The following POU6F2 variants were observed in gnomAD, a reference collection of about 807,000 sequenced individuals.
POU6F2 encodes the protein POU domain, class 6, transcription factor 2.
Under a neutral mutation model 71.3 loss-of-function variants are expected in POU6F2, and 31 were observed. The ratio of observed to expected loss-of-function variants is 0.43; its 90% CI spans 0.33 to 0.59. The LOEUF (loss-of-function observed/expected upper bound fraction) is 0.59. Ranked by LOEUF, POU6F2 falls within the 20% of genes least tolerant of loss-of-function variation. The probability of loss-of-function intolerance (pLI) is 0.04; values close to 1 mark genes in which losing one functional copy is unlikely to be tolerated. For missense variants in POU6F2, 783 were observed against 856.8 expected (o/e 0.91, Z 1.07); for synonymous variants, 347 against 355.7 (o/e 0.98, Z 0.27).
At chr7:39,246,739 T>TA (rs35781827) in intron 4 of POU6F2, among the ~76,000 whole-genome samples, 1,909 of 152,038 alleles carry the variant, frequency 0.013, 22 homozygotes, top group Non-Finnish European at 0.02. Context: ...AGTCATAAAC[T>TA]GGGGCCCTAA....
chr7:39,349,199 C>T (rs943657545), intron 5 of POU6F2, among the ~76,000 whole-genome samples: 4 of 152,184 alleles, frequency 2.6e-5, no homozygotes, highest in African/African-American at 7.2e-5. Context: ...AAAGCTGAAA[C>T]GGTATGGTTC....
intron 5 of POU6F2, chr7:39,373,765 G>C (rs1244256871): frequency 6.4e-6 from 2 of 313,996 alleles, no homozygotes; most frequent in East Asian, 1.5e-4. Context: ...CAAAAATCAA[G>C]GTGTTGAGAG....
intron 2 of POU6F2, among the ~76,000 whole-genome samples, chr7:39,191,567 A>G (rs1793665392): frequency 1.3e-5 from 2 of 152,190 alleles, no homozygotes; most frequent in Non-Finnish European, 2.9e-5. Context: ...AAGTTGATAT[A>G]ACAAATGGAA....
intron 5 of POU6F2, among the ~76,000 whole-genome samples, chr7:39,340,321 C>T (rs1785889896): frequency 6.6e-6 from 1 of 152,194 alleles, no homozygotes; most frequent in Admixed American, 6.5e-5. Context: ...TTTTATGATA[C>T]TTTTTGAAGG....
intron 2 of POU6F2, among the ~76,000 whole-genome samples, chr7:39,174,538 CGT>C (rs1284088260): frequency 1.3e-5 from 2 of 152,276 alleles, no homozygotes; most frequent in Admixed American, 1.3e-4. Context: ...TCTGCAGTCA[CGT>C]GTGTCTTTTC....
chr7:39,322,664 A>G (rs1016748365), intron 4 of POU6F2, among the ~76,000 whole-genome samples: 2 of 152,202 alleles, frequency 1.3e-5, no homozygotes, highest in Non-Finnish European at 2.9e-5. Context: ...GTGTTCATTC[A>G]CTTCCTTTAA....
chr7:39,406,284 T>C (rs985910505), intron 5 of POU6F2: 1 of 335,310 alleles, frequency 3.0e-6, no homozygotes, highest in Non-Finnish European at 5.6e-6. Flanking sequence ...TCTAGAGGGC[T>C]TCTGCGAAAT....
intron 7 of POU6F2, among the ~76,000 whole-genome samples, chr7:39,440,291 C>G (rs935694317): frequency 6.6e-6 from 1 of 152,174 alleles, no homozygotes; most frequent in African/African-American, 2.4e-5. Flanking sequence ...CAGCGTGTTT[C>G]CATTCTCCCT....
At chr7:39,193,690 A>T (rs1312761814) in intron 2 of POU6F2, among the ~76,000 whole-genome samples, 1 of 152,210 alleles carries the variant, frequency 6.6e-6, no homozygotes, top group Admixed American at 6.5e-5. Flanking sequence ...AGTGGCTGGC[A>T]CATGGTAAGT....
intron 2 of POU6F2, among the ~76,000 whole-genome samples, chr7:39,100,390 C>T (rs775688390): frequency 6.6e-6 from 1 of 152,124 alleles, no homozygotes; most frequent in African/African-American, 2.4e-5. Flanking sequence ...GGTTGAGATC[C>T]GTAAAACCTA....
Position 39,454,580 on chromosome 7 carries a change from C to T in POU6F2, c.1489+2879C>T, listed in dbSNP as rs560004846. ...ACTAAATATTAGAACAGAAGATGCT[C>T]CTAGCACCCCTATTTGTTAGGAAAT... On this transcript the variant is annotated intron_variant, in intron 8 of 9. Transcript: ENST00000518318. Among the ~76,000 whole-genome samples, 83 of 146,510 alleles carry T rather than the reference C, an allele frequency of 5.7e-4. 2 individuals carry two copies. In the South Asian group the frequency reaches 0.018, roughly 33 times the overall value.
intron 5 of POU6F2, among the ~76,000 whole-genome samples, chr7:39,378,424 G>A (rs1482942611): frequency 6.6e-6 from 1 of 152,094 alleles, no homozygotes; most frequent in African/African-American, 2.4e-5. Context: ...TGAAACTTTG[G>A]TGAAACATGT....
chr7:39,110,268 C>CA (rs35337549), intron 2 of POU6F2, among the ~76,000 whole-genome samples: 13,459 of 103,236 alleles, frequency 0.13, 763 homozygotes, highest in Non-Finnish European at 0.16. Flanking sequence ...AACTCCGTCT[C>CA]AAAAAAAAAA....
At chr7:39,411,802 C>G (rs1342788050) in intron 6 of POU6F2, among the ~76,000 whole-genome samples, 1 of 152,156 alleles carries the variant, frequency 6.6e-6, no homozygotes, top group African/African-American at 2.4e-5. Flanking sequence ...TTTGATTGTA[C>G]AAAACCATTG....
chr7:39,202,455 A>G (rs1175828695), intron 2 of POU6F2, among the ~76,000 whole-genome samples: 1 of 152,196 alleles, frequency 6.6e-6, no homozygotes, highest in East Asian at 1.9e-4. Context: ...AAAACAACCA[A>G]ATTTTTAAAA....
intron 6 of POU6F2, among the ~76,000 whole-genome samples, chr7:39,419,549 G>A (rs888558941): frequency 6.6e-6 from 1 of 151,938 alleles, no homozygotes; most frequent in African/African-American, 2.4e-5. Flanking sequence ...CTAAAGTAGG[G>A]TCTGTTTAAT....
At chr7:39,109,038 T>C (rs2128725189) in intron 2 of POU6F2, among the ~76,000 whole-genome samples, 1 of 152,312 alleles carries the variant, frequency 6.6e-6, no homozygotes, top group African/African-American at 2.4e-5. Flanking sequence ...TATTAGTTTT[T>C]GGTTTTGCTT....
intron 2 of POU6F2, among the ~76,000 whole-genome samples, chr7:39,147,164 A>G (rs573002412): frequency 1.2e-4 from 18 of 152,312 alleles, no homozygotes; most frequent in African/African-American, 3.8e-4. Flanking sequence ...ATGTTCTACA[A>G]TAACAATGTT....
At chr7:39,386,635 A>G (rs1380702753) in intron 5 of POU6F2, among the ~76,000 whole-genome samples, 2 of 152,164 alleles carry the variant, frequency 1.3e-5, no homozygotes, top group Non-Finnish European at 2.9e-5. Context: ...AGGTCACCTT[A>G]TCTCTATAAT....
Sources: allele counts gnomAD v4.1 joint callset (sites outside exome capture counted in the v4.1 genomes callset), GRCh38; gene constraint gnomAD v4.1.1; transcripts MANE v1.5; gene names NCBI Gene and HGNC (gene_info 2026-07-23, HGNC 2026-07-21).